Variants in UGT1A8 observed in about 807,000 individuals in gnomAD.
UGT1A8 encodes the protein UDP-glucuronosyltransferase 1A8.
Under a neutral mutation model 45.3 loss-of-function variants are expected in UGT1A8, and 39 were observed. That is an observed-to-expected ratio of 0.86 (90% CI 0.67 to 1.12). The LOEUF (loss-of-function observed/expected upper bound fraction) is 1.12, where lower values mean the gene tolerates loss of function less well. Among genes scored for constraint, UGT1A8 ranks in the 50% most tolerant of loss-of-function variants. The pLI is 0.00. For missense variants in UGT1A8, 719 were observed against 664.9 expected, an observed-to-expected ratio of 1.08 and a Z score of -0.90; for synonymous variants, 275 against 249.2, an observed-to-expected ratio of 1.10 and a Z score of -0.97.
intron 1 of UGT1A8, among the ~76,000 whole-genome samples, chr2:233,644,453 A>G (rs1462557069): frequency 6.6e-6 from 1 of 152,174 alleles, no homozygotes; most frequent in East Asian, 1.9e-4. Context: ...CGGTAATCCC[A>G]GCTACTCAGG....
intron 1 of UGT1A8, among the ~76,000 whole-genome samples, chr2:233,758,021 T>C (rs949274852): frequency 2.0e-5 from 3 of 152,156 alleles, no homozygotes; most frequent in African/African-American, 7.2e-5. Context: ...TGTCTCTGTC[T>C]ACCTGACCCC....
At chr2:233,668,062 T>A (rs2125496825) in intron 1 of UGT1A8, among the ~76,000 whole-genome samples, 1 of 152,036 alleles carries the variant, frequency 6.6e-6, no homozygotes, top group East Asian at 1.9e-4. Flanking sequence ...TGTGCACATT[T>A]TTTTTTATTA....
chr2:233,747,212 A>G, intron 1 of UGT1A8: 1 of 1,605,294 alleles, frequency 6.2e-7, no homozygotes, highest in South Asian at 1.1e-5. Context: ...TCTTCTGCTG[A>G]GATGGCCACA....
At chr2:233,752,552 G>C (rs942776893) in intron 1 of UGT1A8, 3 of 152,120 alleles carry the variant, frequency 2.0e-5, no homozygotes, top group Admixed American at 1.3e-4. Flanking sequence ...GCTCTTGCTG[G>C]GACAACATAG....
intron 1 of UGT1A8, among the ~76,000 whole-genome samples, chr2:233,623,146 A>C (rs771257053): frequency 1.3e-5 from 2 of 152,108 alleles, no homozygotes; most frequent in Non-Finnish European, 2.9e-5. Flanking sequence ...ATTTAGTTTG[A>C]AGTCAGGTAG....
intron 1 of UGT1A8, among the ~76,000 whole-genome samples, chr2:233,631,119 C>T (rs898522707): frequency 2.6e-5 from 4 of 152,050 alleles, no homozygotes. Flanking sequence ...TGTTAGTTTG[C>T]TAAGAATGAT....
At chr2:233,629,501 T>C (rs2073149873) in intron 1 of UGT1A8, among the ~76,000 whole-genome samples, 1 of 152,136 alleles carries the variant, frequency 6.6e-6, no homozygotes. Flanking sequence ...GTGTAGTACC[T>C]ATTTTAAAAT....
chr2:233,747,258 A>T, intron 1 of UGT1A8: 1 of 1,600,094 alleles, frequency 6.2e-7, no homozygotes, highest in Non-Finnish European at 8.5e-7. Context: ...TGGCCACAGG[A>T]GTGCTACTCC....
At chr2:233,740,327 T>C (rs1299928906) in intron 1 of UGT1A8, among the ~76,000 whole-genome samples, 2 of 151,910 alleles carry the variant, frequency 1.3e-5, no homozygotes, top group Non-Finnish European at 2.9e-5. Context: ...TCTGCATTTA[T>C]TGAGAAAGTT....
intron 1 of UGT1A8, chr2:233,743,844 TGCGGTACGC>T: frequency 7.3e-7 from 1 of 1,367,272 alleles, no homozygotes; most frequent in Non-Finnish European, 9.8e-7. Context: ...AGCGCCAGCT[TGCGGTACGC>T]CTTCTTGATG....
chr2:233,695,628 G>A (rs1370697803), intron 1 of UGT1A8, among the ~76,000 whole-genome samples: 1 of 151,214 alleles, frequency 6.6e-6, no homozygotes, highest in African/African-American at 2.4e-5. Flanking sequence ...CTACCTCCAT[G>A]AGACCCACTT....
chr2:233,635,534 C>T (rs2073269217), intron 1 of UGT1A8, among the ~76,000 whole-genome samples: 1 of 150,722 alleles, frequency 6.6e-6, no homozygotes, highest in African/African-American at 2.5e-5. Flanking sequence ...GGATCCATGC[C>T]CATGACCCAA....
chr2:233,689,685 A>G (rs1172715108), intron 1 of UGT1A8, among the ~76,000 whole-genome samples: 1 of 152,190 alleles, frequency 6.6e-6, no homozygotes, highest in East Asian at 1.9e-4. Context: ...TGGCTGTCAG[A>G]GTTCAGTCGT....
In UGT1A8 at chr2:233,769,448, C is replaced by T. The variant is rs934555154; in HGVS notation, c.1295+1009C>T. The T allele has an allele frequency of 7.2e-5, 114 of 1,590,160 alleles. No individual in the cohort carries two copies. The East Asian group carries it at 1.2e-3, about 16-fold the overall frequency. ...GGCTGTGCTCATGTGTGGGTGCACA[C>T]GTGTGCATTCATATGCGTGTGTGTG... On this transcript the variant is annotated intron_variant, in intron 4 of 4. Coordinates refer to ENST00000373450, the MANE Select transcript of UGT1A8 (RefSeq NM_019076.5). The surrounding 1 kb of genome is among the most constrained non-coding windows in gnomAD (Gnocchi z 4.4).
chr2:233,663,597 A>G (rs1222939567), intron 1 of UGT1A8, among the ~76,000 whole-genome samples: 2 of 152,206 alleles, frequency 1.3e-5, no homozygotes, highest in African/African-American at 4.8e-5. Flanking sequence ...ATCCTAAACC[A>G]TAATTTCTAA....
chr2:233,717,911 C>T, intron 1 of UGT1A8: 1 of 454,770 alleles, frequency 2.2e-6, no homozygotes, highest in South Asian at 1.6e-5. Flanking sequence ...AAATAAAGGC[C>T]TGGATGAATG....
chr2:233,636,764 A>G (rs751730812), intron 1 of UGT1A8: 12 of 1,614,216 alleles, frequency 7.4e-6, no homozygotes, highest in Non-Finnish European at 1.0e-5. Flanking sequence ...TCAACCTCGT[A>G]CACTCTGGAA....
At chr2:233,624,900 T>C (rs1575383119) in intron 1 of UGT1A8, among the ~76,000 whole-genome samples, 1 of 152,148 alleles carries the variant, frequency 6.6e-6, no homozygotes, top group Non-Finnish European at 1.5e-5. Flanking sequence ...TTTGATGCTA[T>C]TTAAGTGATA....
chr2:233,760,048 C>T (rs189369417), intron 1 of UGT1A8, among the ~76,000 whole-genome samples: 1 of 152,292 alleles, frequency 6.6e-6, no homozygotes, highest in East Asian at 1.9e-4. Flanking sequence ...GCTGTGTTCA[C>T]TCAAGAATGT....
Sources: allele counts gnomAD v4.1 joint callset (sites outside exome capture counted in the v4.1 genomes callset), GRCh38; gene constraint gnomAD v4.1.1; non-coding constraint Gnocchi (gnomAD v3.1); transcripts MANE v1.5; gene names NCBI Gene and HGNC (gene_info 2026-07-23, HGNC 2026-07-21).